Variants in TRPC6 observed in about 807,000 individuals in gnomAD.
The protein encoded by TRPC6 is short transient receptor potential channel 6.
Under a neutral mutation model 90.7 loss-of-function variants are expected in TRPC6, and 55 were observed. The ratio of observed to expected loss-of-function variants is 0.61; its 90% CI spans 0.49 to 0.76. The LOEUF (loss-of-function observed/expected upper bound fraction) is 0.76, where lower values mean the gene tolerates loss of function less well. TRPC6 is among the 30% of genes least tolerant of loss of function. TRPC6 has a pLI of 0.00. For synonymous variants in TRPC6, 393 were observed against 393.0 expected (o/e 1.00, Z 0.00); for missense variants, 989 against 1,122.7 (o/e 0.88, Z 1.70).
intron 10 of TRPC6, among the ~76,000 whole-genome samples, chr11:101,465,767 C>A (rs970971832): frequency 1.1e-4 from 16 of 152,038 alleles, no homozygotes; most frequent in Admixed American, 2.0e-4. Flanking sequence ...TTGTTATTAC[C>A]CACCTTCTGA....
intron 1 of TRPC6, among the ~76,000 whole-genome samples, chr11:101,558,641 C>T (rs1861645730): frequency 6.6e-6 from 1 of 151,916 alleles, no homozygotes; most frequent in Admixed American, 6.6e-5. Flanking sequence ...CCTTGACCTC[C>T]CAGGCTCAAG....
At chr11:101,458,114 T>C (rs1217803519) in intron 10 of TRPC6, among the ~76,000 whole-genome samples, 2 of 152,150 alleles carry the variant, frequency 1.3e-5, no homozygotes, top group African/African-American at 4.8e-5. Context: ...CTATTTTATA[T>C]TAAAGTTATT....
Position 101,473,605 on chromosome 11 carries a change from A to G in TRPC6, c.1913T>C (p.Met638Thr). The G allele has an allele frequency of 1.2e-6, 2 of 1,613,800 alleles. No homozygotes were observed. The highest frequency in any genetic ancestry group is 1.7e-6 in the Non-Finnish European group (2 of 1,179,790). Residue 638 changes from methionine (M) to threonine (T), a missense_variant, in exon 7 of 13, where the codon ATG becomes ACG. Physicochemically the swap from Met to Thr is moderately conservative, Grantham distance 81. This residue lies in a region of TRPC6 where 118 missense variants were observed against 197.6 expected (regional missense o/e 0.60). Transcript: ENST00000344327. ...CACAAACACCATAATGAATATGACC[A>G]TGAACTTGAAGATGTCTTTGACTGT... ...GRTVKDIFKFMVIFIMVFVAF... is the reference protein window; with the variant it reads ...GRTVKDIFKFTVIFIMVFVAF...
At chr11:101,511,600 T>A (rs1254457755) in intron 1 of TRPC6, among the ~76,000 whole-genome samples, 2 of 152,126 alleles carry the variant, frequency 1.3e-5, no homozygotes, top group African/African-American at 4.8e-5. Flanking sequence ...AAATAAGTAG[T>A]GAGCTCAACA....
rs944703491 is a variant in TRPC6 at position 101,470,887 on chromosome 11, G to T, written c.2409+296C>A. Reference sequence around the variant, plus strand: ...AAATTGTAGGAAAAGTGAGGGACATGTAGCCATAACAGCAAAAAAGCAGCC... The same window carrying T: ...AAATTGTAGGAAAAGTGAGGGACATTTAGCCATAACAGCAAAAAAGCAGCC... On this transcript the variant is annotated intron_variant, in intron 9 of 12. Transcript: ENST00000344327. Among the ~76,000 whole-genome samples, 565 of 144,634 alleles carry T rather than the reference G, an allele frequency of 3.9e-3. 4 individuals are homozygous for T. The highest frequency in any genetic ancestry group is 0.014 in the African/African-American group (546 of 39,908). The allele number at this position is 144,634 out of a possible 152,430, so 94.9% of individuals were successfully genotyped here. A position where few individuals can be genotyped will look rare whatever the true frequency, so the allele number is the denominator to read the frequency against.
chr11:101,502,514 T>G (rs1269240312), intron 2 of TRPC6, among the ~76,000 whole-genome samples: 2 of 152,194 alleles, frequency 1.3e-5, no homozygotes, highest in Non-Finnish European at 2.9e-5. Context: ...AGAGAAAGCA[T>G]GTAAACAAGG....
chr11:101,469,113 A>C (rs1420341293), intron 10 of TRPC6, among the ~76,000 whole-genome samples: 1 of 152,176 alleles, frequency 6.6e-6, no homozygotes, highest in East Asian at 1.9e-4. Flanking sequence ...GCAAAGAGTG[A>C]AGTTAATCAT....
At chr11:101,564,795 A>T (rs890320827) in intron 1 of TRPC6, among the ~76,000 whole-genome samples, 1 of 152,178 alleles carries the variant, frequency 6.6e-6, no homozygotes, top group Non-Finnish European at 1.5e-5. Flanking sequence ...AGTTGGAGGC[A>T]TCACACAACC....
chr11:101,573,944 GTGTGTGTGTGTGTA>G (rs1446367288), intron 1 of TRPC6, among the ~76,000 whole-genome samples: 1 of 130,084 alleles, frequency 7.7e-6, no homozygotes, highest in Non-Finnish European at 1.7e-5. Flanking sequence ...GTGTGTGTGT[GTGTGTGTGTGTGTA>G]TGTGTGTGTG....
At chr11:101,572,679 T>A (rs1861989582) in intron 1 of TRPC6, among the ~76,000 whole-genome samples, 1 of 151,980 alleles carries the variant, frequency 6.6e-6, no homozygotes, top group Non-Finnish European at 1.5e-5. Context: ...TATGCAGCCA[T>A]AAAAAAGGAT....
rs1270915817 is a variant in TRPC6, at chr11:101,453,703, T to C, written c.2591A>G (p.Lys864Arg). The change falls in exon 12 of 13, where the codon AAA becomes AGA. Residue 864 changes from lysine to arginine, a missense_variant. By Grantham distance (26) the Lys-to-Arg change is conservative. This residue lies in a region of TRPC6 where 191 missense variants were observed against 196.7 expected (regional missense o/e 0.97). Coordinates refer to ENST00000344327, the MANE Select transcript of TRPC6 (RefSeq NM_004621.6). ...TATCTGGGCCTGCAGTACATATCTTTTAATGAGCCTTTTCATTATTTTCTA... is the reference window on the plus strand; with the variant it reads ...TATCTGGGCCTGCAGTACATATCTTCTAATGAGCCTTTTCATTATTTTCTA... Reference protein sequence around the residue: ...QYQKIMKRLIKRYVLQAQIDK... With the variant: ...QYQKIMKRLIRRYVLQAQIDK... 1 of 1,613,802 alleles carries C rather than the reference T, an allele frequency of 6.2e-7. No homozygotes were observed. The highest frequency in any genetic ancestry group is 1.7e-5 in the Admixed American group (1 of 60,016).
chr11:101,535,468 C>A (rs186303924), intron 1 of TRPC6, among the ~76,000 whole-genome samples: 2 of 151,384 alleles, frequency 1.3e-5, no homozygotes, highest in Non-Finnish European at 2.9e-5. Flanking sequence ...CTCTTTCAAA[C>A]TTTCTGAGTC....
intron 1 of TRPC6, among the ~76,000 whole-genome samples, chr11:101,569,984 T>A (rs962238436): frequency 6.3e-5 from 8 of 126,416 alleles, no homozygotes; most frequent in African/African-American, 2.2e-4. Flanking sequence ...GCAAACAAAC[T>A]CAATAAGCTA....
At chr11:101,454,445 T>TA (rs1858838866) in intron 11 of TRPC6, among the ~76,000 whole-genome samples, 1 of 152,040 alleles carries the variant, frequency 6.6e-6, no homozygotes, top group Admixed American at 6.6e-5. Context: ...AATGAAACTT[T>TA]AAATGTTCAT....
rs199611561 is a variant in TRPC6 at position 101,473,508 on chromosome 11, C to T, written c.2009+1G>A. 26 of 1,612,866 alleles carry T rather than the reference C, an allele frequency of 1.6e-5. 1 individual carries two copies. The highest frequency in any genetic ancestry group is 4.5e-5 in the East Asian group (2 of 44,812). On this transcript the variant is annotated splice_donor_variant, in intron 7 of 12. Transcript: ENST00000344327. LOFTEE classifies it high-confidence loss of function. ...TCATCAAAATATCTGAGATCACATA[C>T]GTTGTGAAGGCTTCATTTTGTTTTG...
At chr11:101,583,286 C>G (rs1048138380) in intron 1 of TRPC6, 48 bp downstream of exon 1, 16 of 1,539,164 alleles carry the variant, frequency 1.0e-5, no homozygotes, top group Non-Finnish European at 1.4e-5. Flanking sequence ...CGCACAACCT[C>G]CCTCCGCGCA....
chr11:101,554,707 T>C (rs1244579886), intron 1 of TRPC6, among the ~76,000 whole-genome samples: 1 of 152,100 alleles, frequency 6.6e-6, no homozygotes, highest in Admixed American at 6.6e-5. Context: ...AAAACAAAGA[T>C]GAAAAATAAC....
At chr11:101,549,201 C>G (rs529017869) in intron 1 of TRPC6, among the ~76,000 whole-genome samples, 1 of 151,986 alleles carries the variant, frequency 6.6e-6, no homozygotes, top group African/African-American at 2.4e-5. Context: ...AAATCAAACA[C>G]TTTTGTAAGT....
At chr11:101,548,263 A>ATATATAATT (rs1861358546) in intron 1 of TRPC6, among the ~76,000 whole-genome samples, 4 of 82,750 alleles carry the variant, frequency 4.8e-5, no homozygotes, top group South Asian at 3.3e-4. Context: ...ATATATATAC[A>ATATATAATT]TATATATATA....
Sources: gnomAD v4.1 joint callset for allele counts (sites outside exome capture counted in the v4.1 genomes callset) on GRCh38, gnomAD v4.1.1 for gene constraint, gnomAD v4.1.1 regional missense constraint, MANE v1.5 for transcripts, NCBI Gene and HGNC (gene_info 2026-07-23, HGNC 2026-07-21) for gene names.